Variants in DLGAP2 observed in about 807,000 individuals in gnomAD.
DLGAP2 encodes the protein disks large-associated protein 2.
Under a neutral mutation model 100.3 loss-of-function variants are expected in DLGAP2, and 26 were observed. The ratio of observed to expected loss-of-function variants is 0.26; its 90% confidence interval spans 0.19 to 0.36. DLGAP2 has a LOEUF of 0.36. Ranked by LOEUF, DLGAP2 falls within the 10% of genes least tolerant of loss-of-function variation. The pLI, the probability that DLGAP2 is intolerant of heterozygous loss-of-function variation, is 1.00. For missense variants in DLGAP2, 1,858 were observed against 1,453.2 expected (o/e 1.28, Z -4.53); for synonymous variants, 886 against 630.1 (o/e 1.41, Z -6.08).
chr8:1,051,589 C>T (rs116582721), intron 2 of DLGAP2, among the ~76,000 whole-genome samples: 1 of 152,158 alleles, frequency 6.6e-6, no homozygotes, highest in Non-Finnish European at 1.5e-5. Flanking sequence ...AATAGACTTG[C>T]TACTATGTAA....
chr8:1,480,115 G>A (rs1007582336), intron 3 of DLGAP2, among the ~76,000 whole-genome samples: 10 of 152,186 alleles, frequency 6.6e-5, no homozygotes, highest in Non-Finnish European at 1.2e-4. Context: ...GTGCAGAGCC[G>A]AACCCCGGCT....
At chr8:870,418 G>A (rs1398400430) in intron 1 of DLGAP2, among the ~76,000 whole-genome samples, 1 of 152,146 alleles carries the variant, frequency 6.6e-6, no homozygotes, top group Non-Finnish European at 1.5e-5. Context: ...TGCCCTTGAA[G>A]ACTCACTGCT....
intron 1 of DLGAP2, among the ~76,000 whole-genome samples, chr8:871,206 G>T (rs1472588063): frequency 2.6e-5 from 4 of 152,220 alleles, no homozygotes; most frequent in Non-Finnish European, 5.9e-5. Flanking sequence ...AAGGCCGGTT[G>T]CAGGCCCGGT....
At chr8:1,560,936 A>G (rs1392422002) in intron 5 of DLGAP2, among the ~76,000 whole-genome samples, 1 of 152,128 alleles carries the variant, frequency 6.6e-6, no homozygotes, top group African/African-American at 2.4e-5. Context: ...TACATTGACC[A>G]TGTCATTAAT....
At chr8:1,166,192 T>A (rs1414586271) in intron 2 of DLGAP2, among the ~76,000 whole-genome samples, 1 of 152,150 alleles carries the variant, frequency 6.6e-6, no homozygotes, top group Non-Finnish European at 1.5e-5. Context: ...CTGAATTTAT[T>A]TATATATTTT....
intron 2 of DLGAP2, among the ~76,000 whole-genome samples, chr8:1,093,978 CGCTCGTGGATGGAGGGCAGCTCCCCGGTG>C (rs1038529523): frequency 1.8e-5 from 2 of 111,522 alleles, no homozygotes; most frequent in Non-Finnish European, 3.9e-5. Context: ...TCCATGCAGG[CGCTCGTGGATGGAGGGCAGCTCCCCGGTG>C]GAGGGAGGGC....
intron 2 of DLGAP2, among the ~76,000 whole-genome samples, chr8:1,033,196 A>G (rs1166598721): frequency 6.6e-6 from 1 of 151,446 alleles, no homozygotes; most frequent in African/African-American, 2.4e-5. Flanking sequence ...CATGGCCATC[A>G]GCTCAGGCCT....
chr8:942,227 G>C (rs781315639), intron 2 of DLGAP2, among the ~76,000 whole-genome samples: 1 of 152,212 alleles, frequency 6.6e-6, no homozygotes, highest in Non-Finnish European at 1.5e-5. Context: ...GGGATTACAG[G>C]CAGGAGCCAA....
chr8:1,300,498 C>A (rs1298348317), intron 3 of DLGAP2: 1 of 152,280 alleles, frequency 6.6e-6, no homozygotes, highest in Non-Finnish European at 1.5e-5. Flanking sequence ...ATGCTTCGTA[C>A]TTGTCAAGTA....
intron 1 of DLGAP2, among the ~76,000 whole-genome samples, chr8:809,436 G>A (rs1796327747): frequency 6.7e-6 from 1 of 148,472 alleles, no homozygotes; most frequent in Admixed American, 6.8e-5. Flanking sequence ...CGTGCTTAGG[G>A]TAAGTACTCT....
At chr8:1,542,236 A>G (rs771828591) in intron 4 of DLGAP2, among the ~76,000 whole-genome samples, 31 of 152,200 alleles carry the variant, frequency 2.0e-4, no homozygotes, top group Non-Finnish European at 2.9e-4. Context: ...TATTTATTTT[A>G]TTCGAGCTTT....
At chr8:1,199,083 C>G (rs1797814520) in intron 2 of DLGAP2, among the ~76,000 whole-genome samples, 1 of 152,236 alleles carries the variant, frequency 6.6e-6, no homozygotes, top group Non-Finnish European at 1.5e-5. Context: ...TAGAAAGGAT[C>G]TAAGTCATCT....
At chr8:1,514,638 A>G (rs1800296037) in intron 4 of DLGAP2, among the ~76,000 whole-genome samples, 1 of 152,188 alleles carries the variant, frequency 6.6e-6, no homozygotes, top group Admixed American at 6.5e-5. Context: ...TATGTCACTC[A>G]TCCCTTCACA....
intron 6 of DLGAP2, among the ~76,000 whole-genome samples, chr8:1,595,222 G>A (rs376938697): frequency 1.5e-4 from 23 of 152,010 alleles, no homozygotes; most frequent in East Asian, 9.7e-4. Context: ...TGTATTTTTA[G>A]GAGAGACAGG....
intron 3 of DLGAP2, among the ~76,000 whole-genome samples, chr8:1,434,925 G>T (rs2130020384): frequency 6.6e-6 from 1 of 152,288 alleles, no homozygotes; most frequent in Non-Finnish European, 1.5e-5. Context: ...GAATGGGCGT[G>T]CCTGGTCTGC....
chr8:1,246,899 C>CGGTA (rs1563036461), intron 2 of DLGAP2: 7 of 119,178 alleles, frequency 5.9e-5, no homozygotes, highest in African/African-American at 2.4e-4. Flanking sequence ...TGTTGGTGTC[C>CGGTA]AGCAAGACCT....
chr8:1,189,308 C>T (rs772751032), intron 2 of DLGAP2, among the ~76,000 whole-genome samples: 4 of 152,220 alleles, frequency 2.6e-5, no homozygotes, highest in Non-Finnish European at 4.4e-5. Context: ...ACTGCAAGGG[C>T]GGGAGACCCA....
chr8:1,615,270 G>A (rs1016410812), intron 6 of DLGAP2, among the ~76,000 whole-genome samples: 12 of 152,094 alleles, frequency 7.9e-5, no homozygotes, highest in Non-Finnish European at 1.8e-4. Context: ...GCCTCCCCAG[G>A]CCCACCCCAG....
At chr8:1,431,446 T>G (rs1313064005) in intron 3 of DLGAP2, among the ~76,000 whole-genome samples, 1 of 152,202 alleles carries the variant, frequency 6.6e-6, no homozygotes, top group Non-Finnish European at 1.5e-5. Context: ...GCTGACCAGG[T>G]AGACTCTACC....
Sources: gnomAD v4.1 joint callset for allele counts (sites outside exome capture counted in the v4.1 genomes callset) on GRCh38, gnomAD v4.1.1 for gene constraint, MANE v1.5 for transcripts, NCBI Gene and HGNC (gene_info 2026-07-23, HGNC 2026-07-21) for gene names.